The following ARAP2 variants were observed in gnomAD, a reference collection of about 807,000 sequenced individuals.
ARAP2 encodes ArfGAP with RhoGAP domain, ankyrin repeat and PH domain 2.
A neutral mutation model predicts 194.5 loss-of-function variants in ARAP2; 148 were observed. The observed-to-expected ratio is 0.76, with a 90% CI of 0.67 to 0.87. The LOEUF is 0.87. Among genes scored for constraint, ARAP2 ranks in the 40% least tolerant of loss-of-function variants. The probability of loss-of-function intolerance (pLI) is 0.00; values close to 1 mark genes in which losing one functional copy is unlikely to be tolerated. For synonymous variants in ARAP2, 695 were observed against 683.5 expected, an observed-to-expected ratio of 1.02 and a Z score of -0.26; for missense variants, 2,128 against 1,989.7, an observed-to-expected ratio of 1.07 and a Z score of -1.32.
chr4:36,128,970 C>T (rs1167473180), intron 20 of ARAP2, among the ~76,000 whole-genome samples: 1 of 151,926 alleles, frequency 6.6e-6, no homozygotes, highest in African/African-American at 2.4e-5. Flanking sequence ...TTTTGGCAAG[C>T]CCCTGATCAG....
Position 36,148,500 on chromosome 4 carries a change from A to G in ARAP2, c.2905T>C (p.Phe969Leu), listed in dbSNP as rs1239027170. The G allele has an allele frequency of 6.2e-7, 1 of 1,611,982 alleles. No individual in the cohort carries two copies. Among genetic ancestry groups the G allele is most frequent in the African/African-American group, 1.3e-5 (1 of 74,856 alleles). ...EDFYLNTGPI[F>L]IFEIYLPSER... is the part of the protein sequence containing the mutation. ...GAGGGTAAGTAGATCTCAAAGATAAAGATGGGCCTAAAACATGCACAAATA... is the reference window on the plus strand; with the variant it reads ...GAGGGTAAGTAGATCTCAAAGATAAGGATGGGCCTAAAACATGCACAAATA... The change falls in exon 17 of 33, where the codon TTT (phenylalanine) becomes CTT (leucine). Residue 969 changes from phenylalanine (F) to leucine (L), a missense_variant. Phe to Leu is a conservative substitution (Grantham distance 22). Coordinates refer to ENST00000303965, the MANE Select transcript of ARAP2 (RefSeq NM_015230.4).
chr4:36,015,563 C>T (rs1190122130), exon 8 of ARAP2: 1 of 152,204 alleles, frequency 6.6e-6, no homozygotes, highest in Non-Finnish European at 1.5e-5. Flanking sequence ...CAAGTTATAT[C>T]TTTCTCCAGC....
intron 2 of ARAP2, among the ~76,000 whole-genome samples, chr4:36,220,156 ATTAATATTG>A (rs1278924247): frequency 6.6e-6 from 1 of 152,160 alleles, no homozygotes; most frequent in African/African-American, 2.4e-5. Context: ...TGCACTAGTA[ATTAATATTG>A]CTACTTCTTA....
chr4:36,092,925 G>A (rs183076819), intron 27 of ARAP2, among the ~76,000 whole-genome samples: 1 of 152,094 alleles, frequency 6.6e-6, no homozygotes, highest in Admixed American at 6.6e-5. Context: ...AACAGGCAAG[G>A]GTAAGAAAGG....
intron 7 of ARAP2, among the ~76,000 whole-genome samples, chr4:36,189,054 C>A (rs1336985904): frequency 6.6e-6 from 1 of 152,142 alleles, no homozygotes; most frequent in African/African-American, 2.4e-5. Context: ...AATACCAATG[C>A]AATGAAGGCT....
chr4:36,151,997 C>T (rs181689843), intron 15 of ARAP2, among the ~76,000 whole-genome samples: 2 of 152,184 alleles, frequency 1.3e-5, no homozygotes, highest in Admixed American at 6.5e-5. Flanking sequence ...AAACTAATTT[C>T]AAATTTTTCC....
At chr4:36,150,583 A>C (rs1177127522) in intron 16 of ARAP2, among the ~76,000 whole-genome samples, 1 of 152,020 alleles carries the variant, frequency 6.6e-6, no homozygotes, top group Non-Finnish European at 1.5e-5. Flanking sequence ...CGGAGGTTGC[A>C]GTGAGCCGAG....
intron 5 of ARAP2, among the ~76,000 whole-genome samples, chr4:36,029,234 C>T (rs141825802): frequency 0.01 from 1,575 of 152,056 alleles, 15 homozygotes; most frequent in Non-Finnish European, 0.016. Flanking sequence ...TGTGTTTCTA[C>T]TTATTTCTCC....
chr4:36,139,849 T>A (rs1381804959), intron 19 of ARAP2, among the ~76,000 whole-genome samples: 1 of 151,602 alleles, frequency 6.6e-6, no homozygotes, highest in Non-Finnish European at 1.5e-5. Flanking sequence ...TACTCTGCAA[T>A]CCTTTCCAGA....
intron 1 of ARAP2, among the ~76,000 whole-genome samples, chr4:36,237,287 A>ATT (rs1357981255): frequency 6.6e-6 from 1 of 152,256 alleles, no homozygotes; most frequent in East Asian, 1.9e-4. Context: ...TTCCTTGGAA[A>ATT]ACTGGACGTC....
chr4:36,107,891 A>C (rs1718839222), intron 26 of ARAP2, among the ~76,000 whole-genome samples, 198 bp from the exon 27 acceptor site: 1 of 151,990 alleles, frequency 6.6e-6, no homozygotes, highest in Non-Finnish European at 1.5e-5. Context: ...ATTATTAAGC[A>C]CATAATAACA....
chr4:36,021,947 T>G (rs1168792750), intron 5 of ARAP2, among the ~76,000 whole-genome samples: 2 of 152,094 alleles, frequency 1.3e-5, no homozygotes, highest in Non-Finnish European at 2.9e-5. Context: ...ATGTTGTAGA[T>G]CACTACACCT....
chr4:36,191,327 C>A (rs547498441), intron 7 of ARAP2, among the ~76,000 whole-genome samples: 2 of 152,140 alleles, frequency 1.3e-5, no homozygotes, highest in Admixed American at 1.3e-4. Flanking sequence ...TCTAATAGAT[C>A]CTGTTAAAGA....
rs568955355 is a variant in ARAP2, at chr4:36,215,658, T to A, written c.906-1178A>T. ...GGTTTGCCCAAACCAAAAAAAGGAC[T>A]CTTACAATCCAGTAATAAGAAATAC... On this transcript the variant is annotated intron_variant, in intron 2 of 32. Transcript: ENST00000303965. 2.6e-5 allele frequency among the ~76,000 whole-genome samples: 4 copies of A among 152,292 alleles called. No homozygotes were observed. In the East Asian group the frequency reaches 5.8e-4, roughly 22 times the overall value.
chr4:36,060,481 G>A (rs769137084), intron 1 of ARAP2, among the ~76,000 whole-genome samples: 1 of 152,044 alleles, frequency 6.6e-6, no homozygotes, highest in Non-Finnish European at 1.5e-5. Context: ...TTGATGTGAT[G>A]CCAGAAAGTT....
intron 6 of ARAP2, among the ~76,000 whole-genome samples, chr4:36,202,396 T>A (rs1219708155): frequency 1.3e-5 from 2 of 151,926 alleles, no homozygotes; most frequent in African/African-American, 4.8e-5. Flanking sequence ...CAAGATTATA[T>A]GAACCAAATG....
At chr4:36,173,512 C>A (rs1363812571) in intron 9 of ARAP2, among the ~76,000 whole-genome samples, 1 of 151,782 alleles carries the variant, frequency 6.6e-6, no homozygotes, top group Non-Finnish European at 1.5e-5. Flanking sequence ...CAAAAAGGAA[C>A]CGACAAATGA....
In ARAP2 at chr4:36,118,159, C is replaced by T. The variant is rs77414345; in HGVS notation, c.3964-1024G>A. On this transcript the variant is annotated intron_variant, in intron 24 of 32. Transcript: ENST00000303965. ...TTACAGGCTTAGAAAAGCTTATTTCCAGTTTTTCCTCCTGACTTTCAATGC... is the reference window on the plus strand; with the variant it reads ...TTACAGGCTTAGAAAAGCTTATTTCTAGTTTTTCCTCCTGACTTTCAATGC... 5.6e-3 allele frequency among the ~76,000 whole-genome samples: 851 copies of T among 151,126 alleles called. 4 individuals are homozygous for T. The highest frequency in any genetic ancestry group is 0.017 in the South Asian group (84 of 4,808).
chr4:36,044,038 C>G (rs77183855), intron 5 of ARAP2, among the ~76,000 whole-genome samples: 1 of 151,900 alleles, frequency 6.6e-6, no homozygotes, highest in Non-Finnish European at 1.5e-5. Context: ...TCAGGAAATG[C>G]GCACCAGTAT....
Sources: allele counts gnomAD v4.1 joint callset (sites outside exome capture counted in the v4.1 genomes callset), GRCh38; gene constraint gnomAD v4.1.1; transcripts MANE v1.5; gene names NCBI Gene and HGNC (gene_info 2026-07-23, HGNC 2026-07-21).